The following COL14A1 variants were observed in gnomAD, a reference collection of about 807,000 sequenced individuals.
COL14A1 encodes the protein collagen alpha-1(XIV) chain.
Under a neutral mutation model 230.3 loss-of-function variants are expected in COL14A1, and 136 were observed. That is an observed-to-expected ratio of 0.59 (90% confidence interval 0.51 to 0.68). COL14A1 has a LOEUF of 0.68. COL14A1 is among the 30% of genes least tolerant of loss of function. COL14A1 has a pLI of 0.00. For missense variants in COL14A1, 1,976 were observed against 2,215.8 expected, an observed-to-expected ratio of 0.89 and a Z score of 2.17; for synonymous variants, 792 against 784.1, an observed-to-expected ratio of 1.01 and a Z score of -0.17.
At chr8:120,370,611 G>C (rs1274865251) in intron 47 of COL14A1, 3 of 1,450,476 alleles carry the variant, frequency 2.1e-6, no homozygotes, top group Non-Finnish European at 2.7e-6. Context: ...GACACTGACT[G>C]CTCCATGTCA....
Position 120,207,018 on chromosome 8 carries a change from A to C in COL14A1, c.1115A>C (p.Asn372Thr), listed in dbSNP as rs759115562. ...SEVTARSFMV[N>T]WTHAPGNVEK... ...GTCACTGCCAGAAGCTTTATGGTTAACTGGACTCATGCCCCAGGAAATGTG... is the reference window on the plus strand; with the variant it reads ...GTCACTGCCAGAAGCTTTATGGTTACCTGGACTCATGCCCCAGGAAATGTG... The change falls in exon 10 of 48, where the codon AAC (asparagine) becomes ACC (threonine). Residue 372 changes from asparagine (N) to threonine (T), a missense_variant. Physicochemically the swap from Asn to Thr is moderately conservative, Grantham distance 65. Around this residue, in one of 3 missense-constraint regions of COL14A1, gnomAD observed 1,791 missense variants for 2,019.5 expected, o/e 0.89. Coordinates refer to ENST00000297848, the MANE Select transcript of COL14A1 (RefSeq NM_021110.4). The C allele has an allele frequency of 6.2e-7, 1 of 1,613,952 alleles. No homozygotes were observed. The highest frequency in any genetic ancestry group is 8.5e-7 in the Non-Finnish European group (1 of 1,179,934).
At position 120,371,783 on chromosome 8, in the gene COL14A1, C is replaced by T. The variant is rs1812164776; in HGVS notation, c.*552C>T. 2.5e-6 allele frequency: 1 copy of T among 392,250 alleles called. No homozygotes were observed. The highest frequency in any genetic ancestry group is 4.5e-6 in the Non-Finnish European group (1 of 221,826). The allele number at this position is 392,250 out of a possible 1,614,324, so 24.3% of individuals were successfully genotyped here. A position where few individuals can be genotyped will look rare whatever the true frequency, so the allele number is the denominator to read the frequency against. On this transcript the variant is annotated 3_prime_UTR_variant, in exon 48 of 48. Coordinates refer to ENST00000297848, the MANE Select transcript of COL14A1 (RefSeq NM_021110.4). ...GGTTTCATGTGTATCCAAAAATCAG[C>T]ATTTGGATTTAAGCTTTCTGAATTT...
rs144003452 is a variant in COL14A1, at chr8:120,194,306, A to G, written c.437-2485A>G. Among the ~76,000 whole-genome samples the G allele has an allele frequency of 6.6e-5, 10 of 152,216 alleles. No homozygotes were observed. The East Asian group carries it at 1.9e-3, about 29-fold the overall frequency. ...AAACACTCAAATTATTTTTCTAGAT[A>G]ATGTTTTCTGCATGCCAGATAGGAT... On this transcript the variant is annotated intron_variant, in intron 5 of 47. Transcript: ENST00000297848.
intron 1 of COL14A1, among the ~76,000 whole-genome samples, chr8:120,140,642 G>A (rs1009748801): frequency 1.3e-5 from 2 of 152,152 alleles, no homozygotes; most frequent in African/African-American, 4.8e-5. Context: ...AAATCTCGGC[G>A]TGAGAGAGAG....
chr8:120,128,229 GTGTGT>G (rs1814414502), intron 1 of COL14A1, among the ~76,000 whole-genome samples: 2 of 18,414 alleles, frequency 1.1e-4, no homozygotes, highest in Non-Finnish European at 1.0e-4. Flanking sequence ...GTGCGCGCGC[GTGTGT>G]GTGTGTGTGT....
At chr8:120,223,449 C>T (rs955204387) in intron 14 of COL14A1, among the ~76,000 whole-genome samples, 1 of 152,050 alleles carries the variant, frequency 6.6e-6, no homozygotes, top group Non-Finnish European at 1.5e-5. Context: ...GTGGGTGGAT[C>T]ACTAGAGGCC....
intron 2 of COL14A1, among the ~76,000 whole-genome samples, chr8:120,157,700 T>C (rs1815524614): frequency 6.6e-6 from 1 of 152,008 alleles, no homozygotes; most frequent in Non-Finnish European, 1.5e-5. Context: ...ATAATATATA[T>C]TATGGCCAGG....
intron 45 of COL14A1, among the ~76,000 whole-genome samples, chr8:120,364,305 T>C (rs1488588473): frequency 6.6e-6 from 1 of 152,208 alleles, no homozygotes; most frequent in Non-Finnish European, 1.5e-5. Flanking sequence ...TTTAGGACAC[T>C]TGATTTCCCT....
intron 12 of COL14A1, 137 bp from the exon 13 acceptor site, chr8:120,212,311 C>A: frequency 1.4e-6 from 1 of 734,144 alleles, no homozygotes; most frequent in Non-Finnish European, 2.2e-6. Context: ...AAAATTATGA[C>A]TGAAGCCTGT....
chr8:120,226,830 A>G, intron 16 of COL14A1, 64 bp downstream of exon 16: 1 of 1,491,218 alleles, frequency 6.7e-7, no homozygotes. Flanking sequence ...CTGCTGCTGG[A>G]GTTGGTCTTC....
intron 45 of COL14A1, among the ~76,000 whole-genome samples, chr8:120,348,439 C>G (rs1031250397): frequency 1.1e-4 from 16 of 151,710 alleles, no homozygotes; most frequent in Admixed American, 9.2e-4. Context: ...AATGGAAAAC[C>G]AAACACCATA....
intron 37 of COL14A1, 34 bp downstream of exon 37, chr8:120,310,096 A>ATC (rs377750238): frequency 3.9e-4 from 613 of 1,570,510 alleles, no homozygotes; most frequent in South Asian, 5.0e-4. Context: ...TCTCTGTCTC[A>ATC]TCTCTCTCTC....
intron 36 of COL14A1, among the ~76,000 whole-genome samples, chr8:120,307,669 AT>A (rs1227018766): frequency 2.6e-5 from 4 of 152,358 alleles, no homozygotes; most frequent in Non-Finnish European, 4.4e-5. Context: ...GAAAAGATAC[AT>A]AATCATAATA....
chr8:120,138,218 A>G (rs1193775584), intron 1 of COL14A1, among the ~76,000 whole-genome samples: 1 of 152,034 alleles, frequency 6.6e-6, no homozygotes, highest in Non-Finnish European at 1.5e-5. Flanking sequence ...GAAATCTTCA[A>G]CTTTGCTTAT....
At chr8:120,298,814 A>G (rs1204526973) in intron 35 of COL14A1, among the ~76,000 whole-genome samples, 4 of 151,056 alleles carry the variant, frequency 2.6e-5, no homozygotes, top group African/African-American at 9.7e-5. Flanking sequence ...GTTTGTTCTC[A>G]TGCTGCTAAT....
At chr8:120,175,655 A>G (rs1340660733) in intron 5 of COL14A1, among the ~76,000 whole-genome samples, 2 of 152,176 alleles carry the variant, frequency 1.3e-5, no homozygotes, top group Non-Finnish European at 2.9e-5. Flanking sequence ...CATATTGTCT[A>G]TGGCTGCCGT....
At chr8:120,165,801 T>C (rs1374006206) in intron 4 of COL14A1, among the ~76,000 whole-genome samples, 2 of 152,188 alleles carry the variant, frequency 1.3e-5, no homozygotes, top group Non-Finnish European at 1.5e-5. Flanking sequence ...AAGGTTTTAT[T>C]ACTTACAGGT....
At chr8:120,313,539 G>A (rs918102850) in intron 37 of COL14A1, among the ~76,000 whole-genome samples, 6 of 152,126 alleles carry the variant, frequency 3.9e-5, no homozygotes, top group African/African-American at 1.2e-4. Flanking sequence ...TGACAGTAGC[G>A]AAGACAGAGA....
rs776498858 is a variant in COL14A1, at chr8:120,289,734, C to T, written c.4204C>T (p.Arg1402Ter). The change falls in exon 34 of 48, where the codon CGA becomes TGA. Residue 1402 changes from arginine (R) to a stop codon, truncating the protein, a stop_gained. Coordinates refer to ENST00000297848, the MANE Select transcript of COL14A1 (RefSeq NM_021110.4). LOFTEE classifies it high-confidence loss of function. ...DGVEVLGKMV[R>*]SRGPGGNSAP... ...TGTAGAAGTGCTAGGGAAAATGGTT[C>T]GATCAAGAGGACCAGGTGGAAACTC... 11 of 1,613,554 alleles carry T rather than the reference C, an allele frequency of 6.8e-6. No individual in the cohort carries two copies. Among genetic ancestry groups the T allele is most frequent in the Admixed American group, 3.3e-5 (2 of 59,910 alleles).
Sources: gnomAD v4.1 joint callset for allele counts (sites outside exome capture counted in the v4.1 genomes callset) on GRCh38, gnomAD v4.1.1 for gene constraint, gnomAD v4.1.1 regional missense constraint, MANE v1.5 for transcripts, NCBI Gene and HGNC (gene_info 2026-07-23, HGNC 2026-07-21) for gene names.